ANXA3: variants seen among roughly 807,000 people sequenced by gnomAD.
ANXA3 encodes 35-alpha calcimedin.
In ANXA3, 46 loss-of-function variants were observed where a neutral mutation model predicts 48.8. The observed-to-expected ratio is 0.94, with a 90% CI of 0.74 to 1.21. ANXA3 has a LOEUF of 1.21. Ranked by LOEUF, ANXA3 falls within the 50% of genes most tolerant of loss-of-function variation. The probability of loss-of-function intolerance (pLI) is 0.00; values close to 1 mark genes in which losing one functional copy is unlikely to be tolerated. For synonymous variants in ANXA3, 128 were observed against 134.7 expected (o/e 0.95, Z 0.35); for missense variants, 383 against 378.6 (o/e 1.01, Z -0.10).
chr4:78,595,526 C>A, intron 8 of ANXA3, 89 bp downstream of exon 8: 3 of 1,326,700 alleles, frequency 2.3e-6, no homozygotes, highest in South Asian at 1.3e-5. Context: ...AAAATAGCAG[C>A]AACAGGGACT....
chr4:78,557,130 C>T (rs891479508), intron 2 of ANXA3, among the ~76,000 whole-genome samples: 6 of 152,198 alleles, frequency 3.9e-5, no homozygotes, highest in Admixed American at 1.3e-4. Context: ...TTGTAGTTGT[C>T]GAATTGAGTT....
At chr4:78,591,254 C>CT (rs1390534647) in intron 6 of ANXA3, among the ~76,000 whole-genome samples, 1 of 152,210 alleles carries the variant, frequency 6.6e-6, no homozygotes, top group Non-Finnish European at 1.5e-5. Flanking sequence ...TCCACCCCAG[C>CT]TTTTCCACTA....
At chr4:78,552,197 G>A (rs933832122) in intron 1 of ANXA3, 1 of 152,312 alleles carries the variant, frequency 6.6e-6, no homozygotes, top group African/African-American at 2.4e-5. Flanking sequence ...AGCAGCGTAA[G>A]GGATCCACTT....
intron 2 of ANXA3, among the ~76,000 whole-genome samples, chr4:78,570,283 A>C (rs1427198574): frequency 2.0e-5 from 3 of 152,102 alleles, no homozygotes; most frequent in Admixed American, 6.5e-5. Context: ...TCCTTCTCTA[A>C]TTCTGTGCAT....
At chr4:78,576,800 G>GATATGCAAAC (rs1722964977) in intron 3 of ANXA3, among the ~76,000 whole-genome samples, 1 of 152,172 alleles carries the variant, frequency 6.6e-6, no homozygotes, top group African/African-American at 2.4e-5. Flanking sequence ...AACGGTGTTT[G>GATATGCAAAC]CATTAGGGAT....
At chr4:78,579,885 G>A (rs764399035) in intron 4 of ANXA3, among the ~76,000 whole-genome samples, 8 of 152,108 alleles carry the variant, frequency 5.3e-5, no homozygotes, top group South Asian at 2.1e-4. Flanking sequence ...TCAGTGAGCC[G>A]AGATTGATCC....
chr4:78,585,345 G>A (rs1485801365), intron 5 of ANXA3, among the ~76,000 whole-genome samples: 1 of 152,162 alleles, frequency 6.6e-6, no homozygotes, highest in Admixed American at 6.5e-5. Context: ...TTAACTCATG[G>A]TTTTCACTTC....
At chr4:78,578,335 G>GAGAGAGAA (rs1222825789) in intron 3 of ANXA3, among the ~76,000 whole-genome samples, 2 of 134,178 alleles carry the variant, frequency 1.5e-5, no homozygotes, top group South Asian at 2.6e-4. Flanking sequence ...GAGAGAAAGG[G>GAGAGAGAA]AGGGAGGGAG....
At position 78,573,208 on chromosome 4, in the gene ANXA3, A is replaced by T; in HGVS notation, c.44A>T (p.Tyr15Phe). Residue 15 changes from tyrosine (Y) to phenylalanine (F), a missense_variant, in exon 3 of 13, where the codon TAT becomes TTT. Physicochemically the swap from Tyr to Phe is conservative, Grantham distance 22. Transcript: ENST00000264908. The part of the protein sequence containing the change: ...WVGHRGTVRD[Y>F]PDFSPSVDAE... ...GGACACCGAGGAACAGTAAGAGATT[A>T]TCCAGACTTTAGCCCATCAGTGGAT... 1.2e-6 allele frequency: 2 copies of T among 1,613,666 alleles called. No homozygotes were observed. Among genetic ancestry groups the T allele is most frequent in the East Asian group, 2.2e-5 (1 of 44,878 alleles).
At chr4:78,597,693 G>C (rs9631719) in intron 10 of ANXA3, among the ~76,000 whole-genome samples, 6,291 of 152,134 alleles carry the variant, frequency 0.041, 424 homozygotes, top group African/African-American at 0.14. Context: ...GCTCACTGCA[G>C]CCTCAACCTC....
chr4:78,582,336 C>A, intron 5 of ANXA3, 46 bp downstream of exon 5: 2 of 1,356,950 alleles, frequency 1.5e-6, no homozygotes, highest in South Asian at 2.4e-5. Context: ...TTGACCAAGT[C>A]ATCAAAAATA....
intron 2 of ANXA3, among the ~76,000 whole-genome samples, chr4:78,559,984 C>T (rs1722593068): frequency 6.6e-6 from 1 of 152,194 alleles, no homozygotes; most frequent in African/African-American, 2.4e-5. Flanking sequence ...AGAGGGGCTT[C>T]TGCCTATTTC....
At chr4:78,595,937 G>GT (rs1394456046) in intron 9 of ANXA3, 50 bp downstream of exon 9, 2 of 1,287,102 alleles carry the variant, frequency 1.6e-6, no homozygotes, top group African/African-American at 3.0e-5. Flanking sequence ...TTTTACAAAT[G>GT]TTTTTGCATT....
intron 2 of ANXA3, among the ~76,000 whole-genome samples, chr4:78,556,249 T>C (rs1722509134): frequency 6.6e-6 from 1 of 152,190 alleles, no homozygotes; most frequent in Non-Finnish European, 1.5e-5. Flanking sequence ...TACAGGCATT[T>C]TTATGTGATC....
intron 2 of ANXA3, among the ~76,000 whole-genome samples, chr4:78,561,479 AG>A (rs1031395677): frequency 6.6e-6 from 1 of 152,142 alleles, no homozygotes; most frequent in African/African-American, 2.4e-5. Context: ...CTGGGTTCAA[AG>A]AGTTTGTGAG....
At chr4:78,579,192 GC>G in intron 4 of ANXA3, 71 bp downstream of exon 4, 1 of 1,008,242 alleles carries the variant, frequency 9.9e-7, no homozygotes, top group Non-Finnish European at 1.5e-6. Flanking sequence ...ACATGGTTAT[GC>G]CCACAGTCTT....
At position 78,586,258 on chromosome 4, in the gene ANXA3, A is replaced by T. The variant is rs1723173749; in HGVS notation, c.313-2A>T. On this transcript the variant is annotated splice_acceptor_variant, in intron 5 of 12. Transcript: ENST00000264908. LOFTEE classifies it high-confidence loss of function. ...AAAATTAGATTTTCTTTTCCTTTTT[A>T]GGGCGCGGGAACAAACGAAGATGCC... The T allele has an allele frequency of 3.1e-6, 5 of 1,610,800 alleles. No homozygotes were observed. Among genetic ancestry groups the T allele is most frequent in the Non-Finnish European group, 4.2e-6 (5 of 1,178,746 alleles).
chr4:78,559,899 C>G (rs566671295), intron 2 of ANXA3, among the ~76,000 whole-genome samples: 1 of 152,222 alleles, frequency 6.6e-6, no homozygotes, highest in Non-Finnish European at 1.5e-5. Flanking sequence ...TAGTTTTAAT[C>G]AGCATGATTT....
chr4:78,587,087 A>C (rs1874486), intron 6 of ANXA3, among the ~76,000 whole-genome samples: 94,110 of 152,058 alleles, frequency 0.62, 30,169 homozygotes, highest in East Asian at 0.87. Context: ...AGGGCCAATC[A>C]AATGTGGAGA....
Sources: allele counts gnomAD v4.1 joint callset (sites outside exome capture counted in the v4.1 genomes callset), GRCh38; gene constraint gnomAD v4.1.1; transcripts MANE v1.5; gene names NCBI Gene and HGNC (gene_info 2026-07-23, HGNC 2026-07-21).